EYA2: variants seen among roughly 807,000 people sequenced by gnomAD.
EYA2 encodes protein phosphatase EYA2.
A neutral mutation model predicts 69.2 loss-of-function variants in EYA2; 31 were observed. That is an observed-to-expected ratio of 0.45 (90% CI 0.34 to 0.60). The LOEUF (loss-of-function observed/expected upper bound fraction) is 0.60. Among genes scored for constraint, EYA2 ranks in the 20% least tolerant of loss-of-function variants. EYA2 has a pLI of 0.02. For missense variants in EYA2, 622 were observed against 701.2 expected (o/e 0.89, Z 1.28); for synonymous variants, 257 against 279.4 (o/e 0.92, Z 0.80).
rs747134183 is a variant in EYA2 at position 47,072,226 on chromosome 20, G to T, written c.457G>T (p.Ala153Ser). Residue 153 changes from alanine (A) to serine (S), a missense_variant, in exon 6 of 16, where the codon GCA becomes TCA. This residue lies in a region of EYA2 where 365 missense variants were observed against 349.7 expected (regional missense o/e 1.04). Coordinates refer to ENST00000327619, the MANE Select transcript of EYA2 (RefSeq NM_005244.5). ...FYQGGNGLGN[A>S]AGFGSVHQDY... ...TCAAGGAGGAAATGGACTGGGCAAC[G>T]CAGCCGGTTTCGGGAGTGTGCACCA... 1 of 1,612,794 alleles carries T rather than the reference G, an allele frequency of 6.2e-7. No individual in the cohort carries two copies. The highest frequency in any genetic ancestry group is 1.1e-5 in the South Asian group (1 of 90,700).
At chr20:47,128,842 G>A (rs987438853) in intron 9 of EYA2, among the ~76,000 whole-genome samples, 2 of 152,128 alleles carry the variant, frequency 1.3e-5, no homozygotes, top group Non-Finnish European at 2.9e-5. Flanking sequence ...TAAAAAAATG[G>A]CCAGGCACGG....
chr20:46,964,450 G>A (rs928769149), intron 1 of EYA2, among the ~76,000 whole-genome samples: 4 of 152,192 alleles, frequency 2.6e-5, no homozygotes, highest in African/African-American at 7.2e-5. Flanking sequence ...GTCCGCAGGT[G>A]GCTGTTGAAG....
At chr20:47,043,996 C>T (rs2029905636) in intron 5 of EYA2, among the ~76,000 whole-genome samples, 2 of 152,148 alleles carry the variant, frequency 1.3e-5, no homozygotes, top group Admixed American at 1.3e-4. Flanking sequence ...ATCCTTTTAA[C>T]CACAGACTTA....
At chr20:47,163,925 C>A (rs1388001887) in intron 10 of EYA2, among the ~76,000 whole-genome samples, 2 of 152,088 alleles carry the variant, frequency 1.3e-5, no homozygotes. Context: ...TGCACCAGGT[C>A]CCGGTCCTCA....
intron 10 of EYA2, chr20:47,160,848 G>T: frequency 4.0e-6 from 1 of 251,470 alleles, no homozygotes; most frequent in Non-Finnish European, 7.4e-6. Flanking sequence ...CTATGTTGTA[G>T]CCACAGCTGG....
chr20:47,050,963 A>G (rs1242509906), intron 5 of EYA2, among the ~76,000 whole-genome samples: 9 of 152,248 alleles, frequency 5.9e-5, no homozygotes, highest in Non-Finnish European at 8.8e-5. Context: ...GAGCATTGCC[A>G]TGGGAGGTCA....
chr20:47,053,021 G>C (rs957500473), intron 5 of EYA2, among the ~76,000 whole-genome samples: 14 of 152,142 alleles, frequency 9.2e-5, no homozygotes, highest in African/African-American at 2.7e-4. Flanking sequence ...ACTGTGTCTG[G>C]GTCATCTTCG....
At chr20:47,045,135 T>G (rs1029085461) in intron 5 of EYA2, among the ~76,000 whole-genome samples, 7 of 152,168 alleles carry the variant, frequency 4.6e-5, no homozygotes, top group African/African-American at 1.2e-4. Context: ...TTGGCTGGGC[T>G]CAGCTAGGTG....
Position 47,172,670 on chromosome 20 carries a change from C to T in EYA2, c.1038-37C>T, listed in dbSNP as rs2034344862. 12 of 1,567,784 alleles carry T rather than the reference C, an allele frequency of 7.7e-6. No individual in the cohort carries two copies. In the African/African-American group the frequency reaches 8.1e-5, roughly 11 times the overall value. On this transcript the variant is annotated intron_variant, in intron 11 of 15. Coordinates refer to ENST00000327619, the MANE Select transcript of EYA2 (RefSeq NM_005244.5). ...CCCAGGGAAGATGCCCTGCACCCCC[C>T]TGCACTAACACTGTCCCTCCCCTCC...
intron 1 of EYA2, among the ~76,000 whole-genome samples, chr20:46,947,851 T>TC (rs1456896125): frequency 6.6e-6 from 1 of 152,182 alleles, no homozygotes; most frequent in East Asian, 1.9e-4. Flanking sequence ...GCATGGTGTC[T>TC]CCTGCCTATA....
chr20:46,969,341 C>T (rs1352426905), intron 1 of EYA2, among the ~76,000 whole-genome samples: 2 of 152,174 alleles, frequency 1.3e-5, no homozygotes, highest in African/African-American at 4.8e-5. Flanking sequence ...CCTCAGCCTC[C>T]CAAAGTGCTG....
chr20:47,188,227 A>G lies in EYA2; in HGVS notation c.*94A>G. On this transcript the variant is annotated 3_prime_UTR_variant, in exon 16 of 16. Coordinates refer to ENST00000327619, the MANE Select transcript of EYA2 (RefSeq NM_005244.5). Reference sequence around the variant, plus strand: ...AGAACTCCAGAGACCCAGATGTTGGACACCAGGAAGGGGCCCCACAGCCGA... The same window carrying G: ...AGAACTCCAGAGACCCAGATGTTGGGCACCAGGAAGGGGCCCCACAGCCGA... 7.6e-7 allele frequency: 1 copy of G among 1,307,378 alleles called. No individual in the cohort carries two copies. The allele number at this position is 1,307,378 out of a possible 1,614,324, so 81.0% of individuals were successfully genotyped here.
intron 1 of EYA2, among the ~76,000 whole-genome samples, chr20:46,910,363 G>T (rs1984583352): frequency 6.6e-6 from 1 of 152,164 alleles, no homozygotes; most frequent in Non-Finnish European, 1.5e-5. Context: ...CAGCACCAAA[G>T]GGGAAAATCC....
rs575305614 is a variant in EYA2, at chr20:47,110,909, G to A, written c.888+13741G>A. 5.9e-4 allele frequency among the ~76,000 whole-genome samples: 90 copies of A among 152,364 alleles called. 1 individual carries two copies. The South Asian group carries it at 0.017, about 29-fold the overall frequency. On this transcript the variant is annotated intron_variant, in intron 9 of 15. Transcript: ENST00000327619. ...GCCCCCTAGCCTGGCCTCACCTAGA[G>A]CCTGGCCCACAGCAGGGTCTCAGCA...
intron 10 of EYA2, chr20:47,161,605 C>T (rs1314794778): frequency 1.6e-5 from 4 of 252,356 alleles, no homozygotes; most frequent in South Asian, 4.3e-5. Flanking sequence ...GGGCCCTGTC[C>T]GCGGCTATGA....
intron 5 of EYA2, among the ~76,000 whole-genome samples, chr20:47,026,446 T>C (rs1984088521): frequency 6.6e-6 from 1 of 152,008 alleles, no homozygotes; most frequent in Non-Finnish European, 1.5e-5. Flanking sequence ...TTTTTTTTCT[T>C]TTTTGGCACG....
intron 10 of EYA2, among the ~76,000 whole-genome samples, chr20:47,156,961 GGA>G (rs1466441913): frequency 6.6e-6 from 1 of 152,066 alleles, no homozygotes; most frequent in South Asian, 2.1e-4. Flanking sequence ...AACCACAGCA[GGA>G]GAGTTTGAGA....
chr20:46,929,669 C>T (rs1428042781), intron 1 of EYA2, among the ~76,000 whole-genome samples: 3 of 151,876 alleles, frequency 2.0e-5, no homozygotes, highest in Admixed American at 6.6e-5. Context: ...GTGCAGGGTC[C>T]GCTCTGTGCC....
rs151034398 is a variant in EYA2, at chr20:47,109,350, C to T, written c.888+12182C>T. ...CACACAAGGCCCCTTTCTTGTTTCACGTAGGTACTACCAATGTGTTTCCTT... is the reference window on the plus strand; with the variant it reads ...CACACAAGGCCCCTTTCTTGTTTCATGTAGGTACTACCAATGTGTTTCCTT... On this transcript the variant is annotated intron_variant, in intron 9 of 15. Transcript: ENST00000327619. 6.1e-3 allele frequency among the ~76,000 whole-genome samples: 922 copies of T among 152,304 alleles called. 9 individuals carry two copies. The highest frequency in any genetic ancestry group is 0.022 in the African/African-American group (894 of 41,556).
Sources: allele counts gnomAD v4.1 joint callset (sites outside exome capture counted in the v4.1 genomes callset), GRCh38; gene constraint gnomAD v4.1.1; regional missense constraint gnomAD v4.1.1; transcripts MANE v1.5; gene names NCBI Gene and HGNC (gene_info 2026-07-23, HGNC 2026-07-21).